The following NKAIN2 variants were observed in gnomAD, a reference collection of about 807,000 sequenced individuals.
NKAIN2 encodes sodium/potassium transporting ATPase interacting 2, also known as sodium/potassium-transporting ATPase subunit beta-1-interacting protein 2.
A neutral mutation model predicts 32.6 loss-of-function variants in NKAIN2; 14 were observed. The ratio of observed to expected loss-of-function variants is 0.43; its 90% CI spans 0.28 to 0.67. NKAIN2 has a LOEUF of 0.67. NKAIN2 is among the 30% of genes least tolerant of loss of function. The probability of loss-of-function intolerance (pLI) is 0.17; values close to 1 mark genes in which losing one functional copy is unlikely to be tolerated. For synonymous variants in NKAIN2, 80 were observed against 87.2 expected (o/e 0.92, Z 0.46); for missense variants, 198 against 258.3 (o/e 0.77, Z 1.60).
intron 3 of NKAIN2, among the ~76,000 whole-genome samples, chr6:124,430,868 A>G (rs1021263515): frequency 1.3e-5 from 2 of 152,136 alleles, no homozygotes; most frequent in African/African-American, 2.4e-5. Flanking sequence ...ACGTGCACAC[A>G]CGCGCGCGCA....
chr6:124,296,372 T>G (rs1796054977), intron 2 of NKAIN2, among the ~76,000 whole-genome samples: 1 of 152,124 alleles, frequency 6.6e-6, no homozygotes, highest in Non-Finnish European at 1.5e-5. Flanking sequence ...TATTCGATAG[T>G]TATGGAAATT....
At chr6:124,265,456 A>G (rs1794452071) in intron 1 of NKAIN2, among the ~76,000 whole-genome samples, 1 of 152,206 alleles carries the variant, frequency 6.6e-6, no homozygotes, top group South Asian at 2.1e-4. Flanking sequence ...AAATATACCA[A>G]TTTTAAAGTA....
chr6:124,222,237 A>G (rs1395651849), intron 1 of NKAIN2, among the ~76,000 whole-genome samples: 1 of 152,228 alleles, frequency 6.6e-6, no homozygotes, highest in East Asian at 1.9e-4. Context: ...CAGTCAAGAA[A>G]AGGAAAGAAA....
At chr6:124,574,846 G>C (rs954349659) in intron 3 of NKAIN2, among the ~76,000 whole-genome samples, 5 of 152,062 alleles carry the variant, frequency 3.3e-5, no homozygotes, top group African/African-American at 1.2e-4. Flanking sequence ...CCTAGGAAAG[G>C]GTGCTAGTCT....
chr6:124,048,790 T>C (rs1405719998), intron 1 of NKAIN2, among the ~76,000 whole-genome samples: 1 of 151,980 alleles, frequency 6.6e-6, no homozygotes, highest in Non-Finnish European at 1.5e-5. Flanking sequence ...AAAAAAGCAA[T>C]ATTTTCGGGA....
intron 1 of NKAIN2, among the ~76,000 whole-genome samples, chr6:124,114,771 T>C (rs762336444): frequency 5.9e-5 from 9 of 152,146 alleles, no homozygotes; most frequent in Non-Finnish European, 1.2e-4. Context: ...TAATTGTGCC[T>C]GATATTGCCC....
intron 3 of NKAIN2, among the ~76,000 whole-genome samples, chr6:124,657,424 T>C (rs1331795984): frequency 2.0e-5 from 3 of 152,188 alleles, no homozygotes; most frequent in Non-Finnish European, 4.4e-5. Flanking sequence ...GCATAGGTGA[T>C]TGCAAGCTCT....
intron 1 of NKAIN2, among the ~76,000 whole-genome samples, chr6:124,002,939 T>C (rs1779936576): frequency 6.6e-6 from 1 of 152,086 alleles, no homozygotes; most frequent in Non-Finnish European, 1.5e-5. Context: ...TAATGTGAGT[T>C]ATAAAAACAC....
chr6:124,320,239 G>C (rs1041252771), intron 2 of NKAIN2, among the ~76,000 whole-genome samples: 5 of 152,060 alleles, frequency 3.3e-5, no homozygotes, highest in African/African-American at 1.2e-4. Flanking sequence ...GCCCTATAAG[G>C]TTTTTAATTT....
intron 3 of NKAIN2, among the ~76,000 whole-genome samples, chr6:124,358,002 G>A (rs926831421): frequency 1.4e-4 from 22 of 151,922 alleles, no homozygotes; most frequent in African/African-American, 4.1e-4. Context: ...TTCAATTCCC[G>A]TCTATGAGTG....
At chr6:124,348,062 C>T (rs1324301692) in intron 2 of NKAIN2, among the ~76,000 whole-genome samples, 29 of 152,098 alleles carry the variant, frequency 1.9e-4, no homozygotes, top group Admixed American at 1.9e-3. Context: ...CAGACAGGAC[C>T]CTCAGCTGCA....
In NKAIN2 at chr6:124,759,537, A is replaced by G. The variant is rs187607860; in HGVS notation, c.475-31802A>G. Among the ~76,000 whole-genome samples the G allele has an allele frequency of 3.8e-3, 557 of 148,430 alleles. 14 individuals carry two copies. Among genetic ancestry groups the G allele is most frequent in the Admixed American group, 0.034 (502 of 14,734 alleles). On this transcript the variant is annotated intron_variant, in intron 4 of 6. Transcript: ENST00000368417. Reference sequence around the variant, plus strand: ...TCACTTTCTTTCGGTTTTTGTCCACATGGTACTTTCTCAAGGAAGTCTGCC... The same window carrying G: ...TCACTTTCTTTCGGTTTTTGTCCACGTGGTACTTTCTCAAGGAAGTCTGCC...
chr6:124,259,898 C>T (rs1376697777), intron 1 of NKAIN2, among the ~76,000 whole-genome samples: 1 of 152,084 alleles, frequency 6.6e-6, no homozygotes, highest in Non-Finnish European at 1.5e-5. Context: ...GTGAATAAGA[C>T]ACTCTAATGC....
intron 1 of NKAIN2, among the ~76,000 whole-genome samples, chr6:124,260,806 T>A (rs1434664988): frequency 6.6e-6 from 1 of 152,066 alleles, no homozygotes; most frequent in Non-Finnish European, 1.5e-5. Flanking sequence ...GTAGAGAAAA[T>A]TTTGATATAG....
chr6:124,365,494 A>G (rs1045375173), intron 3 of NKAIN2, among the ~76,000 whole-genome samples: 1 of 151,928 alleles, frequency 6.6e-6, no homozygotes, highest in Non-Finnish European at 1.5e-5. Flanking sequence ...GATATTGCAA[A>G]GCAACATTAC....
intron 3 of NKAIN2, among the ~76,000 whole-genome samples, chr6:124,545,912 T>C (rs641796): frequency 0.99 from 150,494 of 152,092 alleles, 74,469 homozygotes; most frequent in East Asian, 1. Context: ...TACTGTATAC[T>C]CTAATGACAC....
At chr6:124,675,487 G>A (rs902579583) in intron 4 of NKAIN2, among the ~76,000 whole-genome samples, 12 of 152,042 alleles carry the variant, frequency 7.9e-5, no homozygotes, top group African/African-American at 2.9e-4. Context: ...TTCCTTAAAT[G>A]TTTGGTAGAG....
chr6:124,793,679 CA>C (rs60417104), intron 5 of NKAIN2, among the ~76,000 whole-genome samples: 132 of 142,742 alleles, frequency 9.2e-4, no homozygotes, highest in Admixed American at 3.3e-3. Context: ...ACATACTGCT[CA>C]AAAAAAAAAA....
chr6:124,712,359 T>C lies in NKAIN2; in HGVS notation c.474+53973T>C, dbSNP rs59480596. ...GGTGGGCTCCGCCCAGTTGGAGCTT[T>C]CTGGCTGCTTTGTTTACCTAATCAA... On this transcript the variant is annotated intron_variant, in intron 4 of 6. Coordinates refer to ENST00000368417, the MANE Select transcript of NKAIN2 (RefSeq NM_001040214.3). Among the ~76,000 whole-genome samples, 9 of 99,932 alleles carry C rather than the reference T, an allele frequency of 9.0e-5. 1 individual carries two copies. Among genetic ancestry groups the C allele is most frequent in the Non-Finnish European group, 1.3e-4 (6 of 47,626 alleles). The allele number at this position is 99,932 out of a possible 152,430, so 65.6% of individuals were successfully genotyped here.
Sources: allele counts gnomAD v4.1 joint callset (sites outside exome capture counted in the v4.1 genomes callset), GRCh38; gene constraint gnomAD v4.1.1; transcripts MANE v1.5; gene names NCBI Gene and HGNC (gene_info 2026-07-23, HGNC 2026-07-21).